PANX2: variants seen among roughly 807,000 people sequenced by gnomAD.
The protein encoded by PANX2 is pannexin-2.
PANX2 carries 30 observed loss-of-function variants against 38.7 expected under a neutral mutation model. The observed-to-expected ratio is 0.78, with a 90% CI of 0.58 to 1.05. The LOEUF (loss-of-function observed/expected upper bound fraction) is 1.05, where lower values mean the gene tolerates loss of function less well. Ranked by LOEUF, PANX2 falls within the 50% of genes least tolerant of loss-of-function variation. The probability of loss-of-function intolerance (pLI) is 0.00; values close to 1 mark genes in which losing one functional copy is unlikely to be tolerated. For missense variants in PANX2, 880 were observed against 979.3 expected, an observed-to-expected ratio of 0.90 and a Z score of 1.35; for synonymous variants, 539 against 472.1, an observed-to-expected ratio of 1.14 and a Z score of -1.84.
At position 50,179,523 on chromosome 22, in the gene PANX2, G is replaced by A; in HGVS notation, c.*246G>A. 1.9e-6 allele frequency: 1 copy of A among 532,694 alleles called. No individual in the cohort carries two copies. Among genetic ancestry groups the A allele is most frequent in the East Asian group, 3.4e-5 (1 of 29,802 alleles). The allele number at this position is 532,694 out of a possible 1,614,324, so 33.0% of individuals were successfully genotyped here. ...GTGGCCCAGTGGAGCCGGTGGCCAGGAAGGCTGAAGCCCGCTTCCCATGCT... is the reference window on the plus strand; with the variant it reads ...GTGGCCCAGTGGAGCCGGTGGCCAGAAAGGCTGAAGCCCGCTTCCCATGCT... On this transcript the variant is annotated 3_prime_UTR_variant, in exon 3 of 3. Transcript: ENST00000395842.
At position 50,179,212 on chromosome 22, in the gene PANX2, C is replaced by T. The variant is rs746293841; in HGVS notation, c.1969C>T (p.Pro657Ser). ...GGGGGACCTCATCGCCATCCCTGCC[C>T]CACAGCAGATCCTCATCGCCACCTT... ...DVGDLIAIPA[P>S]QQILIATFDE... The change falls in exon 3 of 3, where the codon CCA (proline) becomes TCA (serine). Residue 657 changes from proline (P) to serine (S), a missense_variant. By Grantham distance (74) the Pro-to-Ser change is moderately conservative (BLOSUM62 -1). Transcript: ENST00000395842. 3.7e-6 allele frequency: 6 copies of T among 1,612,744 alleles called. No homozygotes were observed. The highest frequency in any genetic ancestry group is 4.2e-6 in the Non-Finnish European group (5 of 1,179,902).
chr22:50,174,340 G>A (rs2063650938), intron 1 of PANX2, among the ~76,000 whole-genome samples: 1 of 147,218 alleles, frequency 6.8e-6, no homozygotes, highest in Non-Finnish European at 1.5e-5. Context: ...AGAAGGGCAG[G>A]ACTGGGGGAG....
In PANX2 at chr22:50,177,543, G is replaced by A; in HGVS notation, c.831G>A (p.Val277=). ...GAAGAGPAVR[V]SCKLPSVQLQ... is the part of the protein sequence containing the mutation. Reference sequence around the variant, plus strand: ...CAGGTGCGGGGCCCGCGGTGCGCGTGAGCTGCAAGCTCCCGTCCGTGCAAC... The same window carrying A: ...CAGGTGCGGGGCCCGCGGTGCGCGTAAGCTGCAAGCTCCCGTCCGTGCAAC... Residue 277 remains valine (V), a synonymous_variant, in exon 2 of 3, where the codon GTG becomes GTA. Coordinates refer to ENST00000395842, the MANE Select transcript of PANX2 (RefSeq NM_052839.4). The A allele has an allele frequency of 1.2e-6, 2 of 1,611,586 alleles. No homozygotes were observed. The highest frequency in any genetic ancestry group is 1.7e-6 in the Non-Finnish European group (2 of 1,179,496).
Position 50,179,482 on chromosome 22 carries a change from G to A in PANX2, c.*205G>A. 1 of 570,362 alleles carries A rather than the reference G, an allele frequency of 1.8e-6. No individual in the cohort carries two copies. Among genetic ancestry groups the A allele is most frequent in the Non-Finnish European group, 3.1e-6 (1 of 325,152 alleles). 35.3% of individuals were successfully genotyped at this position (570,362 alleles called of 1,614,324 possible). A position where few individuals can be genotyped will look rare whatever the true frequency, so the allele number is the denominator to read the frequency against. On this transcript the variant is annotated 3_prime_UTR_variant, in exon 3 of 3. Coordinates refer to ENST00000395842, the MANE Select transcript of PANX2 (RefSeq NM_052839.4). ...GCCCGGACGGCATCGCCAGGCACTG[G>A]CTGGGGTGGGGAAAGGTGGCCCAGT... is the stretch of plus-strand genomic sequence containing the variant.
chr22:50,175,922 C>T (rs971846556), intron 1 of PANX2, among the ~76,000 whole-genome samples: 4 of 152,220 alleles, frequency 2.6e-5, no homozygotes, highest in African/African-American at 9.6e-5. Context: ...TCGGCACAGA[C>T]GGACAGGCCT....
rs1385533970 is a variant in PANX2 at position 50,179,329 on chromosome 22, C to T, written c.*52C>T. 32 of 1,510,062 alleles carry T rather than the reference C, an allele frequency of 2.1e-5. No homozygotes were observed. The highest frequency in any genetic ancestry group is 2.6e-5 in the Non-Finnish European group (29 of 1,101,028). The allele number at this position is 1,510,062 out of a possible 1,614,324, so 93.5% of individuals were successfully genotyped here. The stretch of plus-strand genomic sequence containing the variant: ...AGCCCCTCTGCCTGTGTCGTGTGGC[C>T]TGGCCAGCCTCCCGGTGGACACCAG... On this transcript the variant is annotated 3_prime_UTR_variant, in exon 3 of 3. Transcript: ENST00000395842.
chr22:50,170,737 C>T lies in PANX2; in HGVS notation c.7C>T (p.His3Tyr). 8 of 1,216,210 alleles carry T rather than the reference C, an allele frequency of 6.6e-6. No individual in the cohort carries two copies. The highest frequency in any genetic ancestry group is 7.2e-6 in the Non-Finnish European group (7 of 974,014). 75.3% of individuals were successfully genotyped at this position (1,216,210 alleles called of 1,614,324 possible). MH[H>Y]LLEQSADMAT... ...GCCGCGCCCCCCGCCCCCCATGCAC[C>T]ACCTCCTGGAGCAGTCGGCGGACAT... Residue 3 changes from histidine to tyrosine, a missense_variant, in exon 1 of 3, where the codon CAC becomes TAC. By Grantham distance (83) the His-to-Tyr change is moderately conservative. Coordinates refer to ENST00000395842, the MANE Select transcript of PANX2 (RefSeq NM_052839.4).
chr22:50,171,593 C>A (rs1005165732), intron 1 of PANX2, among the ~76,000 whole-genome samples: 7 of 152,084 alleles, frequency 4.6e-5, no homozygotes, highest in Admixed American at 2.0e-4. Flanking sequence ...GGCAGGGACC[C>A]GCGCTGGTTA....
At position 50,178,917 on chromosome 22, in the gene PANX2, C is replaced by T. The variant is rs1326490717; in HGVS notation, c.1691-17C>T. ...CGGAGGATGGTGTGAGATGTCTGTG[C>T]TCTTGGCTGTTTGCAGATGCTCCGC... On this transcript the variant is annotated splice_polypyrimidine_tract_variant and intron_variant, in intron 2 of 2. Transcript: ENST00000395842. 2.6e-6 allele frequency: 4 copies of T among 1,549,902 alleles called. No individual in the cohort carries two copies. The highest frequency in any genetic ancestry group is 3.5e-6 in the Non-Finnish European group (4 of 1,146,316).
At chr22:50,175,452 T>C in intron 1 of PANX2, 1 of 1,300,724 alleles carries the variant, frequency 7.7e-7, no homozygotes, top group African/African-American at 1.5e-5. Context: ...CTTCTCTGGC[T>C]CCTGGGATTG....
In PANX2 at chr22:50,178,113, G is replaced by T. The variant is rs755399207; in HGVS notation, c.1401G>T (p.Thr467=). Residue 467 remains threonine (T), a synonymous_variant, in exon 2 of 3, where the codon ACG becomes ACT. Transcript: ENST00000395842. ...AGCCGAAGCCCGCGCGCAGGAAGAC[G>T]GCCACGGACACGCTGATCGCGCCGC... ...AEKPKPARRK[T]ATDTLIAPLL... 2 of 1,543,426 alleles carry T rather than the reference G, an allele frequency of 1.3e-6. No individual in the cohort carries two copies. Among genetic ancestry groups the T allele is most frequent in the South Asian group, 1.2e-5 (1 of 84,070 alleles).
At position 50,179,440 on chromosome 22, in the gene PANX2, G is replaced by T; in HGVS notation, c.*163G>T. On this transcript the variant is annotated 3_prime_UTR_variant, in exon 3 of 3. Coordinates refer to ENST00000395842, the MANE Select transcript of PANX2 (RefSeq NM_052839.4). ...ATGCCTGGGGCCTTCGCCCCCACGT[G>T]CTCGACAGGGGAACCCGCCCGGACG... 1 of 664,412 alleles carries T rather than the reference G, an allele frequency of 1.5e-6. No homozygotes were observed. Among genetic ancestry groups the T allele is most frequent in the South Asian group, 1.9e-5 (1 of 51,742 alleles). 41.2% of individuals were successfully genotyped at this position (664,412 alleles called of 1,614,324 possible).
At chr22:50,178,443 T>C (rs1304671399) in intron 2 of PANX2, 41 bp downstream of exon 2, 7 of 1,135,634 alleles carry the variant, frequency 6.2e-6, no homozygotes, top group Non-Finnish European at 7.9e-6. Context: ...GGACTGGGGG[T>C]GGGAGAGGCG....
In PANX2 at chr22:50,179,241, C is replaced by G. The variant is rs759440171; in HGVS notation, c.1998C>G (p.Asp666Glu). 1 of 1,612,690 alleles carries G rather than the reference C, an allele frequency of 6.2e-7. No homozygotes were observed. The highest frequency in any genetic ancestry group is 8.5e-7 in the Non-Finnish European group (1 of 1,179,888). ...AGCAGATCCTCATCGCCACCTTCGA[C>G]GAGCCGAGAACGGTCGTGAGTACTG... ...APQQILIATF[D>E]EPRTVVSTVE... The change falls in exon 3 of 3, where the codon GAC becomes GAG. Residue 666 changes from aspartate (D) to glutamate (E), a missense_variant. Asp to Glu is a conservative substitution (Grantham distance 45, BLOSUM62 2). Around this residue, in one of 4 missense-constraint regions of PANX2, gnomAD observed 445 missense variants for 404.3 expected, o/e 1.10. Transcript: ENST00000395842.
intron 1 of PANX2, among the ~76,000 whole-genome samples, chr22:50,174,612 C>G (rs574663034): frequency 6.6e-6 from 1 of 152,346 alleles, no homozygotes; most frequent in South Asian, 2.1e-4. Context: ...GAAACGGGCC[C>G]CTGGCGGCGG....
At position 50,177,468 on chromosome 22, in the gene PANX2, G is replaced by C; in HGVS notation, c.756G>C (p.Gln252His). The C allele has an allele frequency of 6.2e-7, 1 of 1,608,962 alleles. No individual in the cohort carries two copies. The highest frequency in any genetic ancestry group is 1.7e-5 in the Admixed American group (1 of 59,348). Reference sequence around the variant, plus strand: ...ACCTGTGCACCTACTACGCCACGCAGAAGCAGAACGAGTTCACCTGCGCGC... The same window carrying C: ...ACCTGTGCACCTACTACGCCACGCACAAGCAGAACGAGTTCACCTGCGCGC... ...ISYLCTYYAT[Q>H]KQNEFTCALG... Residue 252 changes from glutamine to histidine, a missense_variant, in exon 2 of 3, where the codon CAG becomes CAC. This residue lies in a region of PANX2 where 114 missense variants were observed against 108.8 expected (regional missense o/e 1.05). Transcript: ENST00000395842.
At position 50,179,139 on chromosome 22, in the gene PANX2, C is replaced by T. The variant is rs761654434; in HGVS notation, c.1896C>T (p.Tyr632=). 2.5e-6 allele frequency: 4 copies of T among 1,612,064 alleles called. No individual in the cohort carries two copies. Among genetic ancestry groups the T allele is most frequent in the African/African-American group, 1.3e-5 (1 of 75,008 alleles). ...CGCTGCTGCACATCAACACGCTGTA[C>T]GAGGCCCGGGAGGAGGAGGACGGGG... The part of the protein sequence containing the change: ...THPLLHINTL[Y]EAREEEDGGP... Residue 632 remains tyrosine, a synonymous_variant, in exon 3 of 3, where the codon TAC becomes TAT. Coordinates refer to ENST00000395842, the MANE Select transcript of PANX2 (RefSeq NM_052839.4).
Position 50,179,341 on chromosome 22 carries a change from C to T in PANX2, c.*64C>T. 1.4e-6 allele frequency: 2 copies of T among 1,407,950 alleles called. No individual in the cohort carries two copies. Among genetic ancestry groups the T allele is most frequent in the Non-Finnish European group, 9.9e-7 (1 of 1,012,806 alleles). The allele number at this position is 1,407,950 out of a possible 1,614,324, so 87.2% of individuals were successfully genotyped here. On this transcript the variant is annotated 3_prime_UTR_variant, in exon 3 of 3. Transcript: ENST00000395842. ...TGTGTCGTGTGGCCTGGCCAGCCTCCCGGTGGACACCAGCCCTGCGTGGAC... is the reference window on the plus strand; with the variant it reads ...TGTGTCGTGTGGCCTGGCCAGCCTCTCGGTGGACACCAGCCCTGCGTGGAC...
intron 1 of PANX2, chr22:50,175,445 C>T (rs957623552): frequency 7.7e-7 from 1 of 1,300,894 alleles, no homozygotes; most frequent in Middle Eastern, 2.1e-4. Flanking sequence ...GGACGCTCTT[C>T]TCTGGCTCCT....
Sources: gnomAD v4.1 joint callset for allele counts (sites outside exome capture counted in the v4.1 genomes callset) on GRCh38, gnomAD v4.1.1 for gene constraint, gnomAD v4.1.1 regional missense constraint, MANE v1.5 for transcripts, NCBI Gene and HGNC (gene_info 2026-07-23, HGNC 2026-07-21) for gene names.